ACY1: variants seen among roughly 807,000 people sequenced by gnomAD.
ACY1 encodes aminoacylase 1, also known as aminoacylase-1.
A neutral mutation model predicts 53.3 loss-of-function variants in ACY1; 38 were observed. The ratio of observed to expected loss-of-function variants is 0.71; its 90% CI spans 0.55 to 0.93. The LOEUF (loss-of-function observed/expected upper bound fraction) is 0.93. Among genes scored for constraint, ACY1 ranks in the 40% least tolerant of loss-of-function variants. The pLI, the probability that ACY1 is intolerant of heterozygous loss-of-function variation, is 0.00. For missense variants in ACY1, 484 were observed against 540.9 expected (o/e 0.89, Z 1.04); for synonymous variants, 177 against 202.1 (o/e 0.88, Z 1.05).
In ACY1 at chr3:51,985,192, A is replaced by G; in HGVS notation, c.95-15A>G. The stretch of plus-strand genomic sequence containing the variant: ...GGGTAGGCAGAAGCAGCCCCAAGAC[A>G]CTCTGTGCCTCCAGGAGCTGCTGTG... On this transcript the variant is annotated splice_polypyrimidine_tract_variant and intron_variant, in intron 2 of 14. Coordinates refer to ENST00000636358, the MANE Select transcript of ACY1 (RefSeq NM_000666.3). 6.3e-7 allele frequency: 1 copy of G among 1,598,680 alleles called. No individual in the cohort carries two copies. The highest frequency in any genetic ancestry group is 8.5e-7 in the Non-Finnish European group (1 of 1,173,630).
At chr3:51,988,668 T>C in intron 13 of ACY1, 65 bp downstream of exon 13, 1 of 1,341,814 alleles carries the variant, frequency 7.5e-7, no homozygotes, top group East Asian at 3.1e-5. Flanking sequence ...TGCTGCCCCC[T>C]CCCTTCTCCC....
intron 12 of ACY1, 26 bp from the exon 13 acceptor site, chr3:51,988,498 A>G: frequency 1.2e-6 from 2 of 1,608,764 alleles, no homozygotes; most frequent in South Asian, 1.1e-5. Context: ...CCATGTCCTG[A>G]TCCTGCCATT....
At chr3:51,987,712 CAT>C in intron 12 of ACY1, 88 bp downstream of exon 12, 1 of 1,358,316 alleles carries the variant, frequency 7.4e-7, no homozygotes, top group Non-Finnish European at 1.0e-6. Flanking sequence ...GGTGTGTCTG[CAT>C]ATGTCTGGGC....
chr3:51,987,830 T>C (rs1252934305), intron 12 of ACY1: 1 of 590,582 alleles, frequency 1.7e-6, no homozygotes, highest in African/African-American at 1.9e-5. Context: ...GCACAGTTCA[T>C]GCCCTTGTAT....
At chr3:51,984,814 C>CA (rs34294622) in intron 2 of ACY1, 11,025 of 117,314 alleles carry the variant, frequency 0.094, 460 homozygotes, top group African/African-American at 0.26. Context: ...GACCCTGTCT[C>CA]AAAAAAAAAA....
chr3:51,988,887 A>G (rs774059852), intron 14 of ACY1, 24 bp from the exon 15 acceptor site: 2 of 1,614,056 alleles, frequency 1.2e-6, no homozygotes, highest in South Asian at 1.1e-5. Context: ...GCTTTTCCCT[A>G]ACGGCTCTTC....
At position 51,987,196 on chromosome 3, in the gene ACY1, G is replaced by A. The variant is rs780545016; in HGVS notation, c.707G>A (p.Arg236Lys). The A allele has an allele frequency of 2.1e-5, 34 of 1,614,078 alleles. No individual in the cohort carries two copies. Among genetic ancestry groups the A allele is most frequent in the Non-Finnish European group, 2.9e-5 (34 of 1,180,032 alleles). Reference sequence around the variant, plus strand: ...GCATTCCGGGAGAAGGAATGGCAGAGGTGAGGCAGCCTGGGAGGCAGTGGG... The same window carrying A: ...GCATTCCGGGAGAAGGAATGGCAGAAGTGAGGCAGCCTGGGAGGCAGTGGG... ...ILAFREKEWQ[R>K]LQSNPHLKEG... is the part of the protein sequence containing the mutation. Residue 236 changes from arginine (R) to lysine (K), a missense_variant and splice_region_variant, in exon 10 of 15, where the codon AGG becomes AAG. Transcript: ENST00000636358.
At position 51,989,009 on chromosome 3, in the gene ACY1, G is replaced by A. The variant is rs758355874; in HGVS notation, c.1161G>A (p.Gly387=). 4.3e-6 allele frequency: 7 copies of A among 1,614,002 alleles called. No homozygotes were observed. In the Admixed American group the frequency reaches 5.0e-5, roughly 12 times the overall value. Residue 387 remains glycine, a synonymous_variant, in exon 15 of 15, where the codon GGG becomes GGA. Transcript: ENST00000636358. ...TGCATGAGGCTGTGTTCCTCCGTGG[G>A]GTGGACATATATACACGCCTGCTGC... is the stretch of plus-strand genomic sequence containing the variant. ...ERLHEAVFLR[G]VDIYTRLLPA... is the part of the protein sequence containing the mutation.
chr3:51,985,398 C>G lies in ACY1; in HGVS notation c.197C>G (p.Pro66Arg). The G allele has an allele frequency of 6.2e-7, 1 of 1,614,128 alleles. No individual in the cohort carries two copies. Reference protein sequence around the residue: ...PGYVVTVLTWPGTNPTLSSIL... With the variant: ...PGYVVTVLTWRGTNPTLSSIL... ...TATGTGGTGACCGTGTTGACCTGGC[C>G]AGGCACCAACCCTACACTCTCCTCC... is the stretch of plus-strand genomic sequence containing the variant. The change falls in exon 4 of 15, where the codon CCA (proline) becomes CGA (arginine). Residue 66 changes from proline to arginine, a missense_variant. Pro to Arg is a moderately radical substitution (Grantham distance 103). Coordinates refer to ENST00000636358, the MANE Select transcript of ACY1 (RefSeq NM_000666.3).
chr3:51,989,108 C>T lies in ACY1; in HGVS notation c.*33C>T. The T allele has an allele frequency of 3.7e-6, 6 of 1,610,300 alleles. No individual in the cohort carries two copies. Among genetic ancestry groups the T allele is most frequent in the South Asian group, 1.1e-5 (1 of 91,068 alleles). ...AACTCCTAAACCTTTGCCCCTGGGG[C>T]TTCCATCCCAACCAGTGCCAAGGAC... On this transcript the variant is annotated 3_prime_UTR_variant, in exon 15 of 15. Coordinates refer to ENST00000636358, the MANE Select transcript of ACY1 (RefSeq NM_000666.3).
Position 51,985,234 on chromosome 3 carries a change from C to T in ACY1, c.122C>T (p.Thr41Ile). The T allele has an allele frequency of 1.2e-6, 2 of 1,606,262 alleles. No individual in the cohort carries two copies. The highest frequency in any genetic ancestry group is 1.1e-5 in the South Asian group (1 of 89,800). ...GCTGCTGTGGCTTTCTTTGAGGAGACAGCCCGCCAGCTGGGCCTGGGCTGT... is the reference window on the plus strand; with the variant it reads ...GCTGCTGTGGCTTTCTTTGAGGAGATAGCCCGCCAGCTGGGCCTGGGCTGT... ...YGAAVAFFEE[T>I]ARQLGLGCQK... Residue 41 changes from threonine to isoleucine, a missense_variant, in exon 3 of 15, where the codon ACA becomes ATA. By Grantham distance (89) the Thr-to-Ile change is moderately conservative. Coordinates refer to ENST00000636358, the MANE Select transcript of ACY1 (RefSeq NM_000666.3).
intron 6 of ACY1, 30 bp from the exon 7 acceptor site, chr3:51,986,385 C>T (rs1283675313): frequency 6.2e-7 from 1 of 1,608,842 alleles, no homozygotes; most frequent in Non-Finnish European, 8.5e-7. Flanking sequence ...GGGGCAGCCT[C>T]CTCATCTCAC....
Position 51,985,907 on chromosome 3 carries a change from A to G in ACY1, c.320A>G (p.Tyr107Cys), listed in dbSNP as rs779410647. ...TTCAAGGATTCTGAGGGCTACATCT[A>G]TGCCAGGGGTGCCCAGGACATGAAG... ...EAFKDSEGYI[Y>C]ARGAQDMKCV... Residue 107 changes from tyrosine to cysteine, a missense_variant, in exon 5 of 15, where the codon TAT becomes TGT. Transcript: ENST00000636358. 2.5e-6 allele frequency: 4 copies of G among 1,613,450 alleles called. No individual in the cohort carries two copies. The highest frequency in any genetic ancestry group is 3.4e-6 in the Non-Finnish European group (4 of 1,179,724).
chr3:51,986,588 C>A lies in ACY1; in HGVS notation c.527-17C>A, dbSNP rs887541. The stretch of plus-strand genomic sequence containing the variant: ...GACTGAGCTGCTCCACCCTCTGAAC[C>A]CCCTTTCCCTCCTCAGGCATAGCCA... On this transcript the variant is annotated splice_polypyrimidine_tract_variant and intron_variant, in intron 7 of 14. Coordinates refer to ENST00000636358, the MANE Select transcript of ACY1 (RefSeq NM_000666.3). 5.4e-3 allele frequency: 8,713 copies of A among 1,614,130 alleles called. 344 individuals are homozygous for A. The African/African-American group carries it at 0.088, about 16-fold the overall frequency.
At chr3:51,984,243 C>A in intron 2 of ACY1, 85 bp downstream of exon 2, 1 of 1,279,594 alleles carries the variant, frequency 7.8e-7, no homozygotes, top group Non-Finnish European at 1.1e-6. Context: ...CCCTGTCACC[C>A]AGCTGAGCCC....
chr3:51,987,221 G>A lies in ACY1; in HGVS notation c.707+25G>A, dbSNP rs748705494. The A allele has an allele frequency of 3.7e-6, 6 of 1,613,978 alleles. No homozygotes were observed. The South Asian group carries it at 6.6e-5, about 18-fold the overall frequency. On this transcript the variant is annotated intron_variant, in intron 10 of 14. Transcript: ENST00000636358. ...GGTGAGGCAGCCTGGGAGGCAGTGG[G>A]GTGGCTCTGGGAGGCGGTACCACAG...
In ACY1 at chr3:51,985,824, G is replaced by C. The variant is rs200500757; in HGVS notation, c.265-28G>C. ...GGATTAATGGCTAAATTTGGGGTTT[G>C]GGCCCCTCTTCCCATCCCTGCCCCC... is the stretch of plus-strand genomic sequence containing the variant. On this transcript the variant is annotated intron_variant, in intron 4 of 14. Coordinates refer to ENST00000636358, the MANE Select transcript of ACY1 (RefSeq NM_000666.3). 128 of 1,598,372 alleles carry C rather than the reference G, an allele frequency of 8.0e-5. 1 individual carries two copies. In the East Asian group the frequency reaches 2.8e-3, roughly 35 times the overall value.
At chr3:51,986,795 C>A in intron 8 of ACY1, 134 bp downstream of exon 8, 3 of 1,323,770 alleles carry the variant, frequency 2.3e-6, no homozygotes, top group Non-Finnish European at 3.2e-6. Flanking sequence ...TACCTCCCAG[C>A]TCTTTCCTAT....
intron 6 of ACY1, 34 bp downstream of exon 6, chr3:51,986,365 A>C (rs768099751): frequency 3.7e-6 from 1 of 266,912 alleles, no homozygotes; most frequent in African/African-American, 4.3e-5. Flanking sequence ...GGGAAAGGGG[A>C]GGGTGGGGCG....
Sources: gnomAD v4.1 joint callset for allele counts on GRCh38, gnomAD v4.1.1 for gene constraint, MANE v1.5 for transcripts, NCBI Gene and HGNC (gene_info 2026-07-23, HGNC 2026-07-21) for gene names.